Variants in CDAN1 observed in about 807,000 individuals in gnomAD.
CDAN1 encodes codanin-1.
Under a neutral mutation model 139.8 loss-of-function variants are expected in CDAN1, and 107 were observed. The observed-to-expected ratio is 0.77, with a 90% CI of 0.65 to 0.90. The LOEUF (loss-of-function observed/expected upper bound fraction) is 0.90, where lower values mean the gene tolerates loss of function less well. CDAN1 is among the 40% of genes least tolerant of loss of function. CDAN1 has a pLI of 0.00. For missense variants in CDAN1, 1,667 were observed against 1,575.7 expected (o/e 1.06, Z -0.98); for synonymous variants, 776 against 660.6 (o/e 1.17, Z -2.68).
Position 42,731,772 on chromosome 15 carries a change from A to C in CDAN1, c.1587T>G (p.Asp529Glu). Residue 529 changes from aspartate (D) to glutamate (E), a missense_variant, in exon 11 of 28, where the codon GAT (aspartate) becomes GAG (glutamate). Coordinates refer to ENST00000356231, the MANE Select transcript of CDAN1 (RefSeq NM_138477.4). ...AGGTVLGEAP[D>E]VLSMLGADKL... ...TGTCAGCTCCCAGCATACTCAACAC[A>C]TCTGGGGCCTCGCCCAAGACGGTGC... 4 of 1,614,112 alleles carry C rather than the reference A, an allele frequency of 2.5e-6. No homozygotes were observed. The highest frequency in any genetic ancestry group is 3.4e-6 in the Non-Finnish European group (4 of 1,180,030).
Position 42,730,964 on chromosome 15 carries a change from G to A in CDAN1, c.1968C>T (p.Thr656=), listed in dbSNP as rs61742992. 2.1e-3 allele frequency: 3,408 copies of A among 1,614,166 alleles called. 53 individuals carry two copies. The African/African-American group carries it at 0.038, about 18-fold the overall frequency. The change falls in exon 13 of 28, where the codon ACC becomes ACT. Residue 656 remains threonine, a synonymous_variant. Transcript: ENST00000356231. ...LPYRGPEPPP[T]GELQDSILAL... ...CCAGAATGGAGTCCTGAAGCTCACC[G>A]GTCGGGGGAGGTTCAGGCCCCCGGT...
chr15:42,736,553 G>C lies in CDAN1; in HGVS notation c.318C>G (p.Ala106=), dbSNP rs1473030705. 9.4e-6 allele frequency: 14 copies of C among 1,481,908 alleles called. No homozygotes were observed. The South Asian group carries it at 1.5e-4, about 16-fold the overall frequency. The allele number at this position is 1,481,908 out of a possible 1,614,324, so 91.8% of individuals were successfully genotyped here. A position where few individuals can be genotyped will look rare whatever the true frequency, so the allele number is the denominator to read the frequency against. ...GAGGGGCCTCGGCAGCGGTGCTCTG[G>C]GCCTCGGTCGGAGGGAAAAGCTGGC... ...ARSQLFPPTE[A]QSTAAEAPLA... The change falls in exon 2 of 28, where the codon GCC becomes GCG. Residue 106 remains alanine, a synonymous_variant. Coordinates refer to ENST00000356231, the MANE Select transcript of CDAN1 (RefSeq NM_138477.4).
Position 42,729,026 on chromosome 15 carries a change from A to G in CDAN1, c.2642T>C (p.Ile881Thr), listed in dbSNP as rs766240689. The stretch of plus-strand genomic sequence containing the variant: ...AGGATCCTTAACCCACTCTTACTTG[A>G]TATGTTTGACACAGTTTGATCCAAT... ...ERIGSNCVKHIKATLVADLVR... is the reference protein window; with the variant it reads ...ERIGSNCVKHTKATLVADLVR... Residue 881 changes from isoleucine (I) to threonine (T), a missense_variant, in exon 19 of 28, where the codon ATC (isoleucine) becomes ACC (threonine). Around this residue, in one of 3 missense-constraint regions of CDAN1, gnomAD observed 936 missense variants for 844.1 expected, o/e 1.11. Transcript: ENST00000356231. 4 of 1,613,772 alleles carry G rather than the reference A, an allele frequency of 2.5e-6. No homozygotes were observed. Among genetic ancestry groups the G allele is most frequent in the South Asian group, 1.1e-5 (1 of 91,078 alleles).
chr15:42,734,847 G>A (rs909842238), intron 6 of CDAN1, among the ~76,000 whole-genome samples: 6 of 145,384 alleles, frequency 4.1e-5, no homozygotes, highest in African/African-American at 1.6e-4. Flanking sequence ...TAAAACTCCT[G>A]GGCCTAAGTC....
rs1290345902 is a variant in CDAN1 at position 42,734,440 on chromosome 15, G to A, written c.1137-94C>T. Reference sequence around the variant, plus strand: ...CACCACAGAGGATCTCTAAGGCATGGCGCAGGTATGCAAGCCCAGATATGT... The same window carrying A: ...CACCACAGAGGATCTCTAAGGCATGACGCAGGTATGCAAGCCCAGATATGT... On this transcript the variant is annotated intron_variant, in intron 6 of 27. Transcript: ENST00000356231. 12 of 1,491,750 alleles carry A rather than the reference G, an allele frequency of 8.0e-6. No homozygotes were observed. The Admixed American group carries it at 1.9e-4, about 23-fold the overall frequency. The allele number at this position is 1,491,750 out of a possible 1,614,324, so 92.4% of individuals were successfully genotyped here.
chr15:42,733,013 C>CATGG, intron 9 of CDAN1, 84 bp downstream of exon 9: 1 of 1,079,736 alleles, frequency 9.3e-7, no homozygotes, highest in Non-Finnish European at 1.4e-6. Flanking sequence ...CGGGGAAAAC[C>CATGG]TTCCCTCCTC....
In CDAN1 at chr15:42,724,516, C is replaced by A. The variant is rs867688636; in HGVS notation, c.3659G>T (p.Arg1220Leu). 1.3e-6 allele frequency: 2 copies of A among 1,573,792 alleles called. No individual in the cohort carries two copies. Among genetic ancestry groups the A allele is most frequent in the Non-Finnish European group, 1.7e-6 (2 of 1,158,368 alleles). The change falls in exon 28 of 28, where the codon CGG becomes CTG. Residue 1220 changes from arginine to leucine, a missense_variant. Coordinates refer to ENST00000356231, the MANE Select transcript of CDAN1 (RefSeq NM_138477.4). ...LRACELVQPN[R>L]GTVLAQS Reference sequence around the variant, plus strand: ...CTAGCTCTGGGCCAGCACAGTGCCCCGGTTTGGCTGCACCAACTCACAGGC... The same window carrying A: ...CTAGCTCTGGGCCAGCACAGTGCCCAGGTTTGGCTGCACCAACTCACAGGC...
rs117316699 is a variant in CDAN1 at position 42,729,547 on chromosome 15, C to T, written c.2407+21G>A. 5.4e-3 allele frequency: 8,777 copies of T among 1,614,078 alleles called. 43 individuals carry two copies. The highest frequency in any genetic ancestry group is 8.4e-3 in the Middle Eastern group (51 of 6,062). On this transcript the variant is annotated intron_variant, in intron 17 of 27. Coordinates refer to ENST00000356231, the MANE Select transcript of CDAN1 (RefSeq NM_138477.4). The stretch of plus-strand genomic sequence containing the variant: ...CATGGAGGGACAGACCAAGGACCGT[C>T]CAGGGAAGACCGGTGCTCACCGATG...
At chr15:42,734,419 A>T (rs1326294001) in intron 6 of CDAN1, 73 bp from the exon 7 acceptor site, 28 of 1,588,390 alleles carry the variant, frequency 1.8e-5, no homozygotes, top group Non-Finnish European at 2.2e-5. Context: ...CCTGCACACC[A>T]CAGAGGATCT....
intron 12 of CDAN1, 61 bp from the exon 13 acceptor site, chr15:42,731,132 C>CTGT: frequency 6.2e-7 from 1 of 1,614,166 alleles, no homozygotes; most frequent in Non-Finnish European, 8.5e-7. Context: ...AATTCCCGAT[C>CTGT]TGTTATAAAG....
rs2061603986 is a variant in CDAN1, at chr15:42,731,017, A to G, written c.1915T>C (p.Phe639Leu). Residue 639 changes from phenylalanine (F) to leucine (L), a missense_variant, in exon 13 of 28, where the codon TTC becomes CTC. Coordinates refer to ENST00000356231, the MANE Select transcript of CDAN1 (RefSeq NM_138477.4). ...VLLSLRLLAK[F>L]LGFVAFLPYR... is the part of the protein sequence containing the mutation. ...GGCAGGAAAGCCACAAAGCCCAGGA[A>G]TTTAGCCAAAAGTCTCAGGCTAAGA... 2 of 1,614,202 alleles carry G rather than the reference A, an allele frequency of 1.2e-6. No homozygotes were observed. The highest frequency in any genetic ancestry group is 1.7e-6 in the Non-Finnish European group (2 of 1,180,020).
At position 42,734,207 on chromosome 15, in the gene CDAN1, A is replaced by G. The variant is rs769771854; in HGVS notation, c.1257+19T>C. 1.2e-6 allele frequency: 2 copies of G among 1,614,116 alleles called. No individual in the cohort carries two copies. The highest frequency in any genetic ancestry group is 1.7e-6 in the Non-Finnish European group (2 of 1,180,040). On this transcript the variant is annotated intron_variant, in intron 7 of 27. Transcript: ENST00000356231. The stretch of plus-strand genomic sequence containing the variant: ...AGGGTTAGGTCCAGGCTAGTGGGCA[A>G]CTAAGCTGGGGTTACTACCTTGGCA...
chr15:42,730,735 CA>C lies in CDAN1; in HGVS notation c.2036del (p.Leu679ArgfsTer62). ...GGCGGGCCTGCAGCCCTCGCTGCAGCAGAGTCCGCACATCCAGGACCGGAGG... is the reference window on the plus strand; with the variant it reads ...GGCGGGCCTGCAGCCCTCGCTGCAGCGAGTCCGCACATCCAGGACCGGAGG... Reference protein sequence around the residue: ...QVPPVLDVRTLLQRGLQARRA... With the variant: ...QVPPVLDVRTXLQRGLQARRA... On this transcript the variant is annotated frameshift_variant, in exon 14 of 28. Coordinates refer to ENST00000356231, the MANE Select transcript of CDAN1 (RefSeq NM_138477.4). LOFTEE classifies it high-confidence loss of function. 6.2e-7 allele frequency: 1 copy of C among 1,612,504 alleles called. No individual in the cohort carries two copies. The highest frequency in any genetic ancestry group is 1.1e-5 in the South Asian group (1 of 90,870).
At position 42,730,615 on chromosome 15, in the gene CDAN1, G is replaced by GA; in HGVS notation, c.2156dup (p.Leu720ProfsTer15). 1.2e-6 allele frequency: 2 copies of GA among 1,614,218 alleles called. No individual in the cohort carries two copies. Among genetic ancestry groups the GA allele is most frequent in the Non-Finnish European group, 1.7e-6 (2 of 1,180,034 alleles). On this transcript the variant is annotated frameshift_variant, in exon 14 of 28. Coordinates refer to ENST00000356231, the MANE Select transcript of CDAN1 (RefSeq NM_138477.4). LOFTEE classifies it high-confidence loss of function. ...CCACTCACCGGTGCAGGCGCAGCAG[G>GA]AGAGTGAAGATGTCCCGGTAATATT...
intron 22 of CDAN1, 92 bp downstream of exon 22, chr15:42,727,863 T>G: frequency 1.2e-6 from 2 of 1,602,844 alleles, no homozygotes; most frequent in South Asian, 2.2e-5. Context: ...TCCTACTGGC[T>G]CTCAGTCCCA....
At position 42,736,293 on chromosome 15, in the gene CDAN1, G is replaced by C. The variant is rs778283367; in HGVS notation, c.569+9C>G. 29 of 1,613,336 alleles carry C rather than the reference G, an allele frequency of 1.8e-5. No homozygotes were observed. The highest frequency in any genetic ancestry group is 2.5e-5 in the Non-Finnish European group (29 of 1,179,936). On this transcript the variant is annotated intron_variant, in intron 2 of 27. Transcript: ENST00000356231. ...GGTACCCATCTCCTGCATGAGAGCT[G>C]AGTCTCACCCTGTAGGGCCGGGGGG...
intron 27 of CDAN1, chr15:42,724,830 C>T (rs2061501449): frequency 1.5e-6 from 1 of 645,640 alleles, no homozygotes; most frequent in Non-Finnish European, 2.7e-6. Context: ...CAGGCTTGAC[C>T]AGTTTTTGAG....
rs777001429 is a variant in CDAN1, at chr15:42,729,020, T to C, written c.2645+3A>G. 4.3e-6 allele frequency: 7 copies of C among 1,613,860 alleles called. No individual in the cohort carries two copies. The East Asian group carries it at 1.6e-4, about 36-fold the overall frequency. ...GAGACCAGGATCCTTAACCCACTCT[T>C]ACTTGATATGTTTGACACAGTTTGA... On this transcript the variant is annotated splice_donor_region_variant and intron_variant, in intron 19 of 27. Transcript: ENST00000356231.
intron 21 of CDAN1, 21 bp from the exon 22 acceptor site, chr15:42,728,054 G>C (rs748197591): frequency 6.2e-7 from 1 of 1,612,408 alleles, no homozygotes; most frequent in African/African-American, 1.3e-5. Flanking sequence ...GAACTACAGA[G>C]TCAGGGGCTA....
Sources: allele counts gnomAD v4.1 joint callset (sites outside exome capture counted in the v4.1 genomes callset), GRCh38; gene constraint gnomAD v4.1.1; regional missense constraint gnomAD v4.1.1; transcripts MANE v1.5; gene names NCBI Gene and HGNC (gene_info 2026-07-23, HGNC 2026-07-21).